The following KIAA1217 variants were observed in gnomAD, a reference collection of about 807,000 sequenced individuals.
KIAA1217 encodes sickle tail protein homolog.
Under a neutral mutation model 163.9 loss-of-function variants are expected in KIAA1217, and 88 were observed. The ratio of observed to expected loss-of-function variants is 0.54; its 90% CI spans 0.45 to 0.64. The LOEUF (loss-of-function observed/expected upper bound fraction) is 0.64. Ranked by LOEUF, KIAA1217 falls within the 30% of genes least tolerant of loss-of-function variation. The pLI is 0.00. For missense variants in KIAA1217, 2,372 were observed against 2,475.0 expected, an observed-to-expected ratio of 0.96 and a Z score of 0.88; for synonymous variants, 903 against 923.1, an observed-to-expected ratio of 0.98 and a Z score of 0.39.
chr10:24,209,907 TC>T (rs368056909), intron 1 of KIAA1217, among the ~76,000 whole-genome samples: 110 of 152,306 alleles, frequency 7.2e-4, no homozygotes, highest in African/African-American at 2.6e-3. Flanking sequence ...AATAGACTTG[TC>T]TTTTCCGTAG....
chr10:23,814,639 C>T (rs1837234967), intron 1 of KIAA1217, among the ~76,000 whole-genome samples: 7 of 152,112 alleles, frequency 4.6e-5, no homozygotes. Context: ...ACTCACAATC[C>T]ACCATTTTAA....
At chr10:23,876,194 C>T (rs1453272773) in intron 1 of KIAA1217, among the ~76,000 whole-genome samples, 1 of 151,774 alleles carries the variant, frequency 6.6e-6, no homozygotes, top group African/African-American at 2.4e-5. Context: ...ATGGATGCAG[C>T]TGGATGCCAT....
chr10:24,381,336 T>C (rs1440819348), intron 3 of KIAA1217, among the ~76,000 whole-genome samples: 1 of 152,168 alleles, frequency 6.6e-6, no homozygotes, highest in African/African-American at 2.4e-5. Context: ...ATTTTACCTA[T>C]GTTCCTGCTA....
intron 2 of KIAA1217, among the ~76,000 whole-genome samples, chr10:24,297,191 A>G (rs1379347524): frequency 1.3e-5 from 2 of 152,226 alleles, no homozygotes; most frequent in African/African-American, 4.8e-5. Context: ...TTTGGGGGCT[A>G]CTTTTGTTTG....
At chr10:24,317,159 G>C (rs911872655) in intron 2 of KIAA1217, among the ~76,000 whole-genome samples, 3 of 152,166 alleles carry the variant, frequency 2.0e-5, no homozygotes, top group Non-Finnish European at 4.4e-5. Flanking sequence ...AACTGTATAT[G>C]AGAGCAGAAA....
chr10:24,042,168 C>T (rs1848663798), intron 2 of KIAA1217: 1 of 152,124 alleles, frequency 6.6e-6, no homozygotes, highest in Non-Finnish European at 1.5e-5. Flanking sequence ...CATACTGTAA[C>T]TGTGTCCGTT....
At chr10:23,906,844 T>C (rs1178308938) in intron 1 of KIAA1217, among the ~76,000 whole-genome samples, 2 of 152,170 alleles carry the variant, frequency 1.3e-5, no homozygotes, top group South Asian at 2.1e-4. Context: ...TAATTGATGA[T>C]CATACAGACC....
At chr10:24,497,984 A>G (rs975255758) in intron 8 of KIAA1217, among the ~76,000 whole-genome samples, 19 of 152,280 alleles carry the variant, frequency 1.2e-4, no homozygotes, top group South Asian at 2.1e-4. Flanking sequence ...TATTGAAATT[A>G]TATATATAAT....
At chr10:24,451,188 T>C (rs2061347239) in intron 5 of KIAA1217, among the ~76,000 whole-genome samples, 1 of 152,214 alleles carries the variant, frequency 6.6e-6, no homozygotes, top group South Asian at 2.1e-4. Context: ...ATGTGCCGTG[T>C]TGCTCATAAA....
intron 2 of KIAA1217, among the ~76,000 whole-genome samples, chr10:24,260,933 A>C (rs950632190): frequency 3.3e-5 from 5 of 152,118 alleles, no homozygotes; most frequent in African/African-American, 1.2e-4. Flanking sequence ...TAGGACTGTC[A>C]TGAGGAAAGG....
chr10:23,992,610 T>A (rs1017434472), intron 1 of KIAA1217, among the ~76,000 whole-genome samples: 30 of 147,664 alleles, frequency 2.0e-4, no homozygotes, highest in African/African-American at 7.4e-4. Context: ...ATCATTTCTT[T>A]TTTTTTTTTT....
At chr10:24,323,259 C>CTTCAAGGGCCTGGA in intron 2 of KIAA1217, among the ~76,000 whole-genome samples, 1 of 152,136 alleles carries the variant, frequency 6.6e-6, no homozygotes, top group East Asian at 1.9e-4. Flanking sequence ...CCTTTTGTTT[C>CTTCAAGGGCCTGGA]TTCAAGGGCC....
chr10:23,792,204 G>T (rs904531659), intron 1 of KIAA1217, among the ~76,000 whole-genome samples: 2 of 152,200 alleles, frequency 1.3e-5, no homozygotes, highest in African/African-American at 4.8e-5. Flanking sequence ...AAAAGGCCAA[G>T]CTTTTTCACT....
chr10:23,957,994 C>A (rs1305127802), intron 1 of KIAA1217, among the ~76,000 whole-genome samples: 4 of 152,126 alleles, frequency 2.6e-5, no homozygotes, highest in Admixed American at 2.6e-4. Flanking sequence ...AAATTACATT[C>A]CATTCCCTGA....
intron 1 of KIAA1217, among the ~76,000 whole-genome samples, chr10:23,906,957 A>G (rs1842186992): frequency 6.6e-6 from 1 of 152,092 alleles, no homozygotes; most frequent in South Asian, 2.1e-4. Context: ...TATTTATAAG[A>G]AGCAAAACTA....
At chr10:23,814,537 G>C (rs1371744999) in intron 1 of KIAA1217, among the ~76,000 whole-genome samples, 1 of 152,142 alleles carries the variant, frequency 6.6e-6, no homozygotes, top group Non-Finnish European at 1.5e-5. Flanking sequence ...ACCCAAACAA[G>C]CACTCAACAT....
chr10:23,729,455 C>G (rs1016706291), intron 1 of KIAA1217, among the ~76,000 whole-genome samples: 1 of 152,178 alleles, frequency 6.6e-6, no homozygotes, highest in Non-Finnish European at 1.5e-5. Flanking sequence ...TCCTTGCTAG[C>G]ATTTGGTGGT....
At chr10:23,860,471 A>C (rs1316819511) in intron 1 of KIAA1217, among the ~76,000 whole-genome samples, 21 of 152,332 alleles carry the variant, frequency 1.4e-4, no homozygotes, top group African/African-American at 5.1e-4. Context: ...TAATTTAATG[A>C]CAATATTATA....
intron 14 of KIAA1217, 87 bp downstream of exon 14, chr10:24,528,206 A>G (rs1300243431): frequency 9.5e-7 from 1 of 1,050,284 alleles, no homozygotes; most frequent in Non-Finnish European, 1.4e-6. Context: ...ATACTCATCA[A>G]CAGAACCAAT....
Sources: gnomAD v4.1 joint callset for allele counts (sites outside exome capture counted in the v4.1 genomes callset) on GRCh38, gnomAD v4.1.1 for gene constraint, MANE v1.5 for transcripts, NCBI Gene and HGNC (gene_info 2026-07-23, HGNC 2026-07-21) for gene names.